CADM2: variants seen among roughly 807,000 people sequenced by gnomAD.
CADM2 encodes immunoglobulin superfamily member 4D.
A neutral mutation model predicts 49.8 loss-of-function variants in CADM2; 12 were observed. That is an observed-to-expected ratio of 0.24 (90% CI 0.15 to 0.39). The LOEUF (loss-of-function observed/expected upper bound fraction) is 0.39. Among genes scored for constraint, CADM2 ranks in the 10% least tolerant of loss-of-function variants. The pLI, the probability that CADM2 is intolerant of heterozygous loss-of-function variation, is 1.00. For missense variants in CADM2, 378 were observed against 492.3 expected (o/e 0.77, Z 2.20); for synonymous variants, 214 against 175.4 (o/e 1.22, Z -1.74).
At chr3:85,487,664 G>A (rs2039482627) in intron 1 of CADM2, among the ~76,000 whole-genome samples, 1 of 151,410 alleles carries the variant, frequency 6.6e-6, no homozygotes, top group Non-Finnish European at 1.5e-5. Flanking sequence ...GGAGGAGAAG[G>A]AGAAAACAGC....
intron 5 of CADM2, among the ~76,000 whole-genome samples, chr3:85,886,664 C>T (rs1165117120): frequency 6.6e-6 from 1 of 152,012 alleles, no homozygotes; most frequent in Non-Finnish European, 1.5e-5. Context: ...TTTCAGACCT[C>T]ATATATAATA....
At chr3:85,217,829 A>G (rs2041962155) in intron 1 of CADM2, among the ~76,000 whole-genome samples, 1 of 152,088 alleles carries the variant, frequency 6.6e-6, no homozygotes, top group Non-Finnish European at 1.5e-5. Flanking sequence ...TAAATGTAAC[A>G]GTAGTAGATT....
intron 8 of CADM2, among the ~76,000 whole-genome samples, chr3:86,048,081 C>A (rs1736881274): frequency 6.6e-6 from 1 of 151,874 alleles, no homozygotes; most frequent in African/African-American, 2.4e-5. Context: ...AAATAATATA[C>A]CTGTTAAGGT....
chr3:85,096,891 A>T (rs1267190881), intron 1 of CADM2, among the ~76,000 whole-genome samples: 3 of 152,136 alleles, frequency 2.0e-5, no homozygotes, highest in Non-Finnish European at 4.4e-5. Flanking sequence ...TGGACTGTCA[A>T]GTTATTTTTT....
chr3:85,181,314 G>A (rs1479462177), intron 1 of CADM2, among the ~76,000 whole-genome samples: 1 of 151,958 alleles, frequency 6.6e-6, no homozygotes, highest in Non-Finnish European at 1.5e-5. Flanking sequence ...TATTCATTTA[G>A]TTAATCAATA....
At chr3:84,975,510 G>A (rs1316905280) in intron 1 of CADM2, among the ~76,000 whole-genome samples, 1 of 151,750 alleles carries the variant, frequency 6.6e-6, no homozygotes, top group Non-Finnish European at 1.5e-5. Flanking sequence ...CGGATATAAA[G>A]TAATGAAGTT....
chr3:85,054,092 A>T (rs1170044860), intron 1 of CADM2, among the ~76,000 whole-genome samples: 1 of 151,978 alleles, frequency 6.6e-6, no homozygotes, highest in East Asian at 1.9e-4. Context: ...AGAGCCTATT[A>T]TATGTAAGGC....
At chr3:85,241,863 G>A (rs769946761) in intron 1 of CADM2, among the ~76,000 whole-genome samples, 1 of 151,416 alleles carries the variant, frequency 6.6e-6, no homozygotes, top group Non-Finnish European at 1.5e-5. Context: ...GGTAGAGGAC[G>A]CATTTTATGC....
Position 85,211,450 on chromosome 3 carries a change from G to GGTTT in CADM2, c.61+251783_61+251786dup, listed in dbSNP as rs1559722830. 3.3e-5 allele frequency among the ~76,000 whole-genome samples: 5 copies of GGTTT among 151,782 alleles called. No homozygotes were observed. The South Asian group carries it at 1.0e-3, about 32-fold the overall frequency. On this transcript the variant is annotated intron_variant, in intron 1 of 9. Transcript: ENST00000383699. Reference sequence around the variant, plus strand: ...TTGCTATAAACTTTCCCTTAGTACTGGTTTTGTTGTATTTTATAGGTTTAG... The same window carrying GGTTT: ...TTGCTATAAACTTTCCCTTAGTACTGGTTTGTTTTGTTGTATTTTATAGGTTTAG...
At chr3:85,437,760 G>A (rs533118708) in intron 1 of CADM2, among the ~76,000 whole-genome samples, 1 of 151,986 alleles carries the variant, frequency 6.6e-6, no homozygotes, top group Non-Finnish European at 1.5e-5. Context: ...GAACGTTTAT[G>A]TTAGCCTCTC....
chr3:85,479,129 T>C (rs2039103895), intron 1 of CADM2, among the ~76,000 whole-genome samples: 1 of 151,792 alleles, frequency 6.6e-6, no homozygotes, highest in Non-Finnish European at 1.5e-5. Flanking sequence ...TATTTATTTT[T>C]GTGTTTTAGA....
At chr3:85,658,587 T>G (rs1381549567) in intron 1 of CADM2, among the ~76,000 whole-genome samples, 1 of 100,914 alleles carries the variant, frequency 9.9e-6, no homozygotes, top group Non-Finnish European at 2.1e-5. Context: ...TATATATATA[T>G]ATATATATAT....
At chr3:85,778,699 T>A (rs1456461938) in intron 2 of CADM2, among the ~76,000 whole-genome samples, 2 of 152,176 alleles carry the variant, frequency 1.3e-5, no homozygotes, top group Non-Finnish European at 2.9e-5. Flanking sequence ...AATGTGAGAA[T>A]GGAATAACAC....
intron 1 of CADM2, among the ~76,000 whole-genome samples, chr3:85,080,134 G>T (rs1264666090): frequency 6.6e-6 from 1 of 151,892 alleles, no homozygotes; most frequent in East Asian, 1.9e-4. Flanking sequence ...ATGAACTCAG[G>T]TATATCAATT....
At chr3:85,076,967 G>T (rs1200791908) in intron 1 of CADM2, among the ~76,000 whole-genome samples, 1 of 152,072 alleles carries the variant, frequency 6.6e-6, no homozygotes, top group Non-Finnish European at 1.5e-5. Context: ...GAGAGACTCC[G>T]TCTCAAAATA....
chr3:85,352,171 C>T lies in CADM2; in HGVS notation c.62-374351C>T, dbSNP rs191474372. 2.9e-3 allele frequency among the ~76,000 whole-genome samples: 436 copies of T among 152,134 alleles called. 1 individual carries two copies. The highest frequency in any genetic ancestry group is 0.01 in the African/African-American group (424 of 41,532). ...TCTTAAAAGGTTAACAATTAAAGCACTATAGTTCATCTTATAAAAATATCT... is the reference window on the plus strand; with the variant it reads ...TCTTAAAAGGTTAACAATTAAAGCATTATAGTTCATCTTATAAAAATATCT... On this transcript the variant is annotated intron_variant, in intron 1 of 9. Coordinates refer to ENST00000383699, the MANE Select transcript of CADM2 (RefSeq NM_001167675.2).
At chr3:85,181,015 A>AG (rs1399419447) in intron 1 of CADM2, among the ~76,000 whole-genome samples, 1 of 152,200 alleles carries the variant, frequency 6.6e-6, no homozygotes, top group Non-Finnish European at 1.5e-5. Context: ...TTCATCTCTG[A>AG]GAAAGTTATA....
intron 1 of CADM2, among the ~76,000 whole-genome samples, chr3:84,989,746 C>T (rs1317544238): frequency 6.6e-6 from 1 of 152,004 alleles, no homozygotes; most frequent in Non-Finnish European, 1.5e-5. Flanking sequence ...GAACTATCAA[C>T]CTCAAAGTGT....
intron 3 of CADM2, among the ~76,000 whole-genome samples, chr3:85,822,728 G>A (rs1261485700): frequency 6.6e-6 from 1 of 152,056 alleles, no homozygotes; most frequent in Non-Finnish European, 1.5e-5. Context: ...ACATTTTTAT[G>A]AAAGAAATCA....
Sources: gnomAD v4.1 joint callset for allele counts (sites outside exome capture counted in the v4.1 genomes callset) on GRCh38, gnomAD v4.1.1 for gene constraint, MANE v1.5 for transcripts, NCBI Gene and HGNC (gene_info 2026-07-23, HGNC 2026-07-21) for gene names.